CNBD1: variants seen among roughly 807,000 people sequenced by gnomAD.
CNBD1 encodes cyclic nucleotide-binding domain-containing protein 1.
In CNBD1, 71 loss-of-function variants were observed where a neutral mutation model predicts 54.4. That is an observed-to-expected ratio of 1.30 (90% CI 1.08 to 1.59). CNBD1 has a LOEUF of 1.59. Ranked by LOEUF, CNBD1 falls within the 40% of genes most tolerant of loss-of-function variation. CNBD1 has a pLI of 0.00. For synonymous variants in CNBD1, 182 were observed against 170.7 expected (o/e 1.07, Z -0.51); for missense variants, 659 against 518.0 (o/e 1.27, Z -2.64).
At chr8:86,992,777 A>T (rs1026290983) in intron 4 of CNBD1, among the ~76,000 whole-genome samples, 4 of 152,146 alleles carry the variant, frequency 2.6e-5, no homozygotes, top group Admixed American at 6.5e-5. Flanking sequence ...TTCTTTAAGG[A>T]TGCTGAAAAT....
chr8:87,426,824 C>G (rs1391239071), intron 2 of CNBD1, among the ~76,000 whole-genome samples: 2 of 152,144 alleles, frequency 1.3e-5, no homozygotes, highest in Non-Finnish European at 1.5e-5. Context: ...ATCCCATTGA[C>G]AGACCCAAAA....
At chr8:87,428,073 T>C (rs1808079320) in intron 2 of CNBD1, among the ~76,000 whole-genome samples, 1 of 151,308 alleles carries the variant, frequency 6.6e-6, no homozygotes, top group Admixed American at 6.6e-5. Context: ...TAAGAAATTA[T>C]CTACCTGCTC....
At chr8:87,188,122 C>T (rs1813518438) in intron 4 of CNBD1, among the ~76,000 whole-genome samples, 1 of 152,140 alleles carries the variant, frequency 6.6e-6, no homozygotes, top group Non-Finnish European at 1.5e-5. Flanking sequence ...TCCTGAAACA[C>T]TGATATATCC....
chr8:87,349,413 T>C (rs910654937), intron 8 of CNBD1, among the ~76,000 whole-genome samples: 14 of 152,182 alleles, frequency 9.2e-5, no homozygotes, highest in African/African-American at 3.1e-4. Flanking sequence ...TCTCACTCTG[T>C]CGCTCAGGTG....
At chr8:87,408,782 T>G (rs971006476) in intron 2 of CNBD1, among the ~76,000 whole-genome samples, 1 of 152,158 alleles carries the variant, frequency 6.6e-6, no homozygotes, top group African/African-American at 2.4e-5. Flanking sequence ...TCATTATTAT[T>G]ACATCTTTTA....
intron 6 of CNBD1, among the ~76,000 whole-genome samples, chr8:87,280,513 A>T (rs1808579077): frequency 1.3e-5 from 2 of 151,584 alleles, no homozygotes; most frequent in South Asian, 4.1e-4. Flanking sequence ...CCCTTAGAAA[A>T]GAAAAAACAT....
At chr8:87,360,763 C>T (rs28416897) in intron 10 of CNBD1, among the ~76,000 whole-genome samples, 3 of 151,746 alleles carry the variant, frequency 2.0e-5, no homozygotes, top group Admixed American at 1.3e-4. Context: ...CTTAATTTGC[C>T]ATACCGAAAA....
At chr8:87,023,830 G>T (rs985700335) in intron 4 of CNBD1, among the ~76,000 whole-genome samples, 1 of 152,136 alleles carries the variant, frequency 6.6e-6, no homozygotes, top group African/African-American at 2.4e-5. Flanking sequence ...AGTGTTATTT[G>T]AGTTACATGG....
chr8:87,283,295 A>G (rs1273063566), intron 6 of CNBD1, among the ~76,000 whole-genome samples: 1 of 151,898 alleles, frequency 6.6e-6, no homozygotes, highest in Non-Finnish European at 1.5e-5. Context: ...TAGTCTACAC[A>G]TTTTAAATAT....
At chr8:86,888,987 T>G (rs559627560) in intron 2 of CNBD1, among the ~76,000 whole-genome samples, 1 of 152,232 alleles carries the variant, frequency 6.6e-6, no homozygotes, top group East Asian at 1.9e-4. Flanking sequence ...TCCTCTTGGG[T>G]GGTGTCGTCT....
chr8:87,219,081 T>G (rs1275444310), intron 5 of CNBD1, among the ~76,000 whole-genome samples: 3 of 151,980 alleles, frequency 2.0e-5, no homozygotes, highest in Non-Finnish European at 4.4e-5. Flanking sequence ...TTTGAAGAAA[T>G]TATAAAAAAT....
At chr8:87,405,106 C>A in intron 2 of CNBD1, among the ~76,000 whole-genome samples, 1 of 151,914 alleles carries the variant, frequency 6.6e-6, no homozygotes, top group Non-Finnish European at 1.5e-5. Context: ...GTGATTCTGT[C>A]GAAAGTTGTA....
rs139228619 is a variant in CNBD1 at position 87,069,490 on chromosome 8, G to A, written c.431+129736G>A. On this transcript the variant is annotated intron_variant, in intron 4 of 10. Transcript: ENST00000518476. ...GTTTAGTACAGTAACATGATATACA[G>A]GTTTATAGTCCAGGAGCAATAGGCT... Among the ~76,000 whole-genome samples the A allele has an allele frequency of 4.1e-3, 623 of 152,124 alleles. 3 individuals are homozygous for A. The highest frequency in any genetic ancestry group is 0.041 in the Middle Eastern group (12 of 294).
At chr8:87,091,907 G>A (rs947455097) in intron 4 of CNBD1, among the ~76,000 whole-genome samples, 19 of 152,068 alleles carry the variant, frequency 1.2e-4, no homozygotes, top group African/African-American at 2.9e-4. Context: ...ATAAATATGC[G>A]TAGGAAAAAG....
chr8:87,236,087 A>G (rs1807579367), intron 5 of CNBD1, among the ~76,000 whole-genome samples: 1 of 152,158 alleles, frequency 6.6e-6, no homozygotes, highest in Non-Finnish European at 1.5e-5. Context: ...TGAAAATGCA[A>G]TTTGTAAAGT....
chr8:87,351,061 G>T (rs1220193688), intron 8 of CNBD1, among the ~76,000 whole-genome samples: 1 of 152,070 alleles, frequency 6.6e-6, no homozygotes, highest in Non-Finnish European at 1.5e-5. Flanking sequence ...GCCCCATGTG[G>T]TTTATATAAG....
At chr8:87,015,822 A>G (rs1313240493) in intron 4 of CNBD1, among the ~76,000 whole-genome samples, 1 of 151,920 alleles carries the variant, frequency 6.6e-6, no homozygotes, top group African/African-American at 2.4e-5. Flanking sequence ...CTCTACTAAC[A>G]GTACAAAAAT....
At chr8:87,001,471 A>T (rs1808991326) in intron 4 of CNBD1, among the ~76,000 whole-genome samples, 1 of 152,170 alleles carries the variant, frequency 6.6e-6, no homozygotes, top group Non-Finnish European at 1.5e-5. Context: ...TGCATATCAG[A>T]TAAAGTAGTG....
intron 4 of CNBD1, among the ~76,000 whole-genome samples, chr8:86,986,358 G>T (rs1018655189): frequency 5.3e-5 from 8 of 152,082 alleles, no homozygotes; most frequent in African/African-American, 1.7e-4. Flanking sequence ...TTCTAATGGG[G>T]TTTTTCTTTT....
Sources: allele counts gnomAD v4.1 joint callset (sites outside exome capture counted in the v4.1 genomes callset), GRCh38; gene constraint gnomAD v4.1.1; transcripts MANE v1.5; gene names NCBI Gene and HGNC (gene_info 2026-07-23, HGNC 2026-07-21).